The following CIITA variants were observed in gnomAD, a reference collection of about 807,000 sequenced individuals.
CIITA encodes the protein MHC class II transactivator.
In CIITA, 72 loss-of-function variants were observed where a neutral mutation model predicts 115.1. That is an observed-to-expected ratio of 0.63 (90% confidence interval 0.52 to 0.76). CIITA has a LOEUF of 0.76. Ranked by LOEUF, CIITA falls within the 30% of genes least tolerant of loss-of-function variation. CIITA has a pLI of 0.00. For missense variants in CIITA, 1,617 were observed against 1,463.8 expected (o/e 1.10, Z -1.71); for synonymous variants, 763 against 635.6 (o/e 1.20, Z -3.02).
At chr16:10,906,306 G>T (rs1480628187) in intron 10 of CIITA, among the ~76,000 whole-genome samples, 193 bp from the exon 11 acceptor site, 3 of 152,198 alleles carry the variant, frequency 2.0e-5, no homozygotes, top group Non-Finnish European at 4.4e-5. Flanking sequence ...GTTGCAGCGA[G>T]CTGTGATCAC....
At position 10,895,358 on chromosome 16, in the gene CIITA, C is replaced by T. The variant is rs781235493; in HGVS notation, c.129C>T (p.Asp43=). 1.3e-5 allele frequency: 21 copies of T among 1,613,978 alleles called. No homozygotes were observed. Among genetic ancestry groups the T allele is most frequent in the East Asian group, 2.2e-5 (1 of 44,888 alleles). The change falls in exon 2 of 20, where the codon GAC becomes GAT. Residue 43 remains aspartate, a synonymous_variant. Coordinates refer to ENST00000324288, the MANE Select transcript of CIITA (RefSeq NM_000246.4). ...GYLELLNSDA[D]PLCLYHFYDQ... is the part of the protein sequence containing the mutation. ...TGGAGCTTCTTAACAGCGATGCTGA[C>T]CCCCTGTGCCTCTACCACTTCTATG...
Position 10,923,252 on chromosome 16 carries a change from C to T in CIITA, c.3342C>T (p.Phe1114=), listed in dbSNP as rs773262829. ...TLAMWTPTIP[F]SVQEHLQQQD... ...GGATGTGGACGCCCACCATCCCATTCAGTGTCCAGGAACACCTGCAACAAC... is the reference window on the plus strand; with the variant it reads ...GGATGTGGACGCCCACCATCCCATTTAGTGTCCAGGAACACCTGCAACAAC... The change falls in exon 19 of 20, where the codon TTC becomes TTT. Residue 1114 remains phenylalanine (F), a synonymous_variant. Coordinates refer to ENST00000324288, the MANE Select transcript of CIITA (RefSeq NM_000246.4). The surrounding 1 kb of genome is among the most constrained non-coding windows in gnomAD (Gnocchi z 5.2). 3 of 1,613,676 alleles carry T rather than the reference C, an allele frequency of 1.9e-6. No individual in the cohort carries two copies. The highest frequency in any genetic ancestry group is 2.2e-5 in the South Asian group (2 of 91,080).
chr16:10,880,745 G>A (rs572365716), intron 1 of CIITA, among the ~76,000 whole-genome samples: 4 of 152,316 alleles, frequency 2.6e-5, no homozygotes, highest in African/African-American at 9.6e-5. Context: ...TTAGTTCCAG[G>A]CAATCAGGGA....
chr16:10,909,289 C>G, intron 12 of CIITA, 102 bp downstream of exon 12: 1 of 1,219,606 alleles, frequency 8.2e-7, no homozygotes, highest in Non-Finnish European at 1.2e-6. Flanking sequence ...GCCCCCTGTC[C>G]TCTGGGACAC....
At chr16:10,874,280 G>A (rs879386428), upstream of CIITA, among the ~76,000 whole-genome samples, 28 of 152,196 alleles carry the variant, frequency 1.8e-4, no homozygotes, top group Admixed American at 6.5e-4. Flanking sequence ...CACCACGCCC[G>A]GCCTGCAGGA....
downstream of CIITA, chr16:10,938,068 C>T (rs113555654): frequency 1.7e-3 from 255 of 152,356 alleles, 3 homozygotes; most frequent in African/African-American, 5.8e-3. This position sits in a 1 kb window ranked among gnomAD's most constrained non-coding sequence, Gnocchi z 4.9. Flanking sequence ...ACACGCTTTC[C>T]ATTGTATCCG....
In CIITA at chr16:10,932,406, A is replaced by G. The variant is rs2040835383; in HGVS notation, c.*8551A>G. ...AGTAGGACCATCATCCCTGCATTTC[A>G]CATGGAGCTCAGAGAGGTTAAGCAA... On this transcript the variant is annotated 3_prime_UTR_variant, in exon 20 of 20. Transcript: ENST00000324288. The G allele has an allele frequency of 6.6e-6, 1 of 152,208 alleles. No individual in the cohort carries two copies. Among genetic ancestry groups the G allele is most frequent in the Admixed American group, 6.5e-5 (1 of 15,290 alleles). The allele number at this position is 152,208 out of a possible 1,614,324, so 9.4% of individuals were successfully genotyped here.
At position 10,895,373 on chromosome 16, in the gene CIITA, C is replaced by A; in HGVS notation, c.144C>A (p.Tyr48Ter). The stretch of plus-strand genomic sequence containing the variant: ...GCGATGCTGACCCCCTGTGCCTCTA[C>A]CACTTCTATGACCAGATGGACCTGG... ...LNSDADPLCL[Y>*]HFYDQMDLAG... Residue 48 changes from tyrosine to a stop codon, truncating the protein, a stop_gained, in exon 2 of 20, where the codon TAC becomes TAA. Coordinates refer to ENST00000324288, the MANE Select transcript of CIITA (RefSeq NM_000246.4). LOFTEE classifies it high-confidence loss of function. 1 of 1,613,866 alleles carries A rather than the reference C, an allele frequency of 6.2e-7. No homozygotes were observed. The highest frequency in any genetic ancestry group is 8.5e-7 in the Non-Finnish European group (1 of 1,179,786).
chr16:10,904,036 G>A (rs1353321943), intron 9 of CIITA, 141 bp downstream of exon 9: 2 of 1,108,892 alleles, frequency 1.8e-6, no homozygotes, highest in African/African-American at 1.5e-5. Flanking sequence ...GACAGGGAGG[G>A]TCTCCAGGGA....
chr16:10,877,559 C>T (rs1263695005), intron 1 of CIITA, among the ~76,000 whole-genome samples, 177 bp downstream of exon 1: 3 of 152,204 alleles, frequency 2.0e-5, no homozygotes, highest in Non-Finnish European at 4.4e-5. Context: ...TTCCTTCCAC[C>T]GGAGGGAGAC....
chr16:10,895,446 T>TG lies in CIITA; in HGVS notation c.199+20dup, dbSNP rs761443729. The TG allele has an allele frequency of 1.2e-6, 2 of 1,612,528 alleles. No homozygotes were observed. Among genetic ancestry groups the TG allele is most frequent in the Non-Finnish European group, 1.7e-6 (2 of 1,179,982 alleles). On this transcript the variant is annotated intron_variant, in intron 2 of 19. Transcript: ENST00000324288. ...CTACTCAGGTGGGCCCTCCTCCCTC[T>TG]GGTCTCTTCCGGTATCCCCCACCCC...
intron 14 of CIITA, 131 bp downstream of exon 14, chr16:10,915,781 AG>A: frequency 1.2e-6 from 1 of 824,272 alleles, no homozygotes. Flanking sequence ...CTGGGACCAC[AG>A]GTGCATGCTA....
chr16:10,937,445 G>C (rs1254098513), downstream of CIITA: 1 of 152,444 alleles, frequency 6.6e-6, no homozygotes, highest in Non-Finnish European at 1.5e-5. The surrounding 1 kb of genome is among the most constrained non-coding windows in gnomAD (Gnocchi z 4.2). Context: ...GGAGGGACCA[G>C]GTTAGGAAGG....
In CIITA at chr16:10,934,566, G is replaced by A. The variant is rs2040945306; in HGVS notation, c.*10711G>A. 6.6e-6 allele frequency: 1 copy of A among 152,382 alleles called. No individual in the cohort carries two copies. The highest frequency in any genetic ancestry group is 1.9e-4 in the East Asian group (1 of 5,188). 9.4% of individuals were successfully genotyped at this position (152,382 alleles called of 1,614,324 possible). A position where few individuals can be genotyped will look rare whatever the true frequency, so the allele number is the denominator to read the frequency against. ...AAACATCAGGACAGCGTGGCCAGGA[G>A]CCCAATGCTGCCACCTCATAGATGG... On this transcript the variant is annotated 3_prime_UTR_variant, in exon 20 of 20. Transcript: ENST00000324288. This position sits in a 1 kb window ranked among gnomAD's most constrained non-coding sequence, Gnocchi z 4.2.
At chr16:10,905,685 C>T (rs1467047305) in intron 10 of CIITA, among the ~76,000 whole-genome samples, 2 of 151,880 alleles carry the variant, frequency 1.3e-5, no homozygotes, top group Non-Finnish European at 2.9e-5. Context: ...TCGCCTAAAC[C>T]CAGGAGGTGG....
At chr16:10,902,850 G>T in intron 8 of CIITA, 49 bp downstream of exon 8, 1 of 1,609,038 alleles carries the variant, frequency 6.2e-7, no homozygotes. Flanking sequence ...CTACCTGACT[G>T]CTCCCTGACC....
intron 10 of CIITA, among the ~76,000 whole-genome samples, chr16:10,906,171 C>T (rs56262998): frequency 0.018 from 2,783 of 152,190 alleles, 39 homozygotes; most frequent in Middle Eastern, 0.037. Context: ...CCAGCCTGGG[C>T]GACATAGTGA....
chr16:10,914,498 A>C (rs2039815277), intron 13 of CIITA, among the ~76,000 whole-genome samples: 1 of 152,218 alleles, frequency 6.6e-6, no homozygotes, highest in Non-Finnish European at 1.5e-5. Flanking sequence ...CTGGCACCAT[A>C]ATTTTACCAA....
chr16:10,877,118 T>G, upstream of CIITA: 1 of 631,866 alleles, frequency 1.6e-6, no homozygotes. Context: ...GGGGCCACCT[T>G]GCAGGGAGAG....
Sources: allele counts gnomAD v4.1 joint callset (sites outside exome capture counted in the v4.1 genomes callset), GRCh38; gene constraint gnomAD v4.1.1; non-coding constraint Gnocchi (gnomAD v3.1); transcripts MANE v1.5; gene names NCBI Gene and HGNC (gene_info 2026-07-23, HGNC 2026-07-21).